The following SCOC variants were observed in gnomAD, a reference collection of about 807,000 sequenced individuals.
SCOC encodes short coiled coil protein.
In SCOC, 7 loss-of-function variants were observed where a neutral mutation model predicts 9.9. That is an observed-to-expected ratio of 0.71 (90% CI 0.40 to 1.33). SCOC has a LOEUF of 1.33. Ranked by LOEUF, SCOC falls within the 40% of genes most tolerant of loss-of-function variation. The pLI, the probability that SCOC is intolerant of heterozygous loss-of-function variation, is 0.01. For synonymous variants in SCOC, 19 were observed against 28.2 expected (o/e 0.67, Z 1.03); for missense variants, 66 against 89.7 (o/e 0.74, Z 1.07).
intron 1 of SCOC, among the ~76,000 whole-genome samples, chr4:140,271,360 T>G (rs907493568): frequency 2.6e-5 from 4 of 152,154 alleles, no homozygotes; most frequent in Non-Finnish European, 4.4e-5. Flanking sequence ...AAACACCAAG[T>G]GTTAATAGGC....
chr4:140,352,185 T>C (rs1727009353), intron 2 of SCOC, among the ~76,000 whole-genome samples: 1 of 152,184 alleles, frequency 6.6e-6, no homozygotes, highest in Non-Finnish European at 1.5e-5. Flanking sequence ...GAATACTAAT[T>C]TAAAAGATTA....
chr4:140,288,313 CAT>C (rs1389964603), intron 1 of SCOC, among the ~76,000 whole-genome samples: 1 of 152,050 alleles, frequency 6.6e-6, no homozygotes, highest in African/African-American at 2.4e-5. Flanking sequence ...ACAGATCACA[CAT>C]ATACACCTAC....
intron 1 of SCOC, chr4:140,376,345 C>T (rs543558747): frequency 8.5e-5 from 13 of 152,268 alleles, no homozygotes; most frequent in Admixed American, 8.5e-4. Flanking sequence ...TTGATCACAT[C>T]ACAATAAAAT....
intron 1 of SCOC, chr4:140,343,577 G>A: frequency 7.5e-7 from 1 of 1,327,274 alleles, no homozygotes; most frequent in Non-Finnish European, 1.1e-6. Context: ...CGGTCACATG[G>A]GACAACTGCT....
intron 2 of SCOC, among the ~76,000 whole-genome samples, chr4:140,347,989 A>G (rs2126521675): frequency 6.6e-6 from 1 of 152,148 alleles, no homozygotes; most frequent in South Asian, 2.1e-4. Flanking sequence ...TTCATTTTCT[A>G]CTTTTTTTCT....
chr4:140,306,552 T>C (rs1731993569), intron 1 of SCOC, among the ~76,000 whole-genome samples: 1 of 152,046 alleles, frequency 6.6e-6, no homozygotes, highest in African/African-American at 2.4e-5. Flanking sequence ...TGGCAAGAAC[T>C]AGAGGTATCA....
intron 1 of SCOC, among the ~76,000 whole-genome samples, chr4:140,310,153 A>T (rs1578796246): frequency 2.0e-5 from 3 of 152,314 alleles, no homozygotes; most frequent in Admixed American, 1.3e-4. Flanking sequence ...TTTATATTTT[A>T]AAAAAATCTT....
chr4:140,275,846 G>A (rs1228726899), intron 1 of SCOC, among the ~76,000 whole-genome samples: 2 of 141,316 alleles, frequency 1.4e-5, no homozygotes, highest in African/African-American at 2.6e-5. Context: ...TTTTTTGAGA[G>A]GGAGTCTTGC....
intron 1 of SCOC, among the ~76,000 whole-genome samples, chr4:140,272,084 TC>T (rs1205530303): frequency 2.1e-5 from 3 of 145,518 alleles, no homozygotes; most frequent in Non-Finnish European, 4.5e-5. Flanking sequence ...TGAGACAGGG[TC>T]TTGCTCTGTC....
intron 1 of SCOC, among the ~76,000 whole-genome samples, chr4:140,262,108 T>C (rs1335064820): frequency 6.6e-6 from 1 of 152,254 alleles, no homozygotes; most frequent in African/African-American, 2.4e-5. Flanking sequence ...ATTTTCATTG[T>C]TTCCCTGCCT....
chr4:140,270,925 C>G (rs1730830297), intron 1 of SCOC, among the ~76,000 whole-genome samples: 1 of 152,124 alleles, frequency 6.6e-6, no homozygotes. Context: ...CATATCTTCA[C>G]CAAGGGGAGG....
chr4:140,293,901 G>A (rs77730746), intron 1 of SCOC, among the ~76,000 whole-genome samples: 1 of 152,200 alleles, frequency 6.6e-6, no homozygotes, highest in East Asian at 1.9e-4. Flanking sequence ...AAAGTAAGGG[G>A]AAGTTGTCCA....
intron 1 of SCOC, among the ~76,000 whole-genome samples, chr4:140,334,815 C>G (rs1017676306): frequency 1.3e-5 from 2 of 152,072 alleles, no homozygotes; most frequent in Non-Finnish European, 2.9e-5. Flanking sequence ...TTTAGACACC[C>G]CATGGGCCAG....
In SCOC at chr4:140,382,661, G is replaced by C. The variant is rs1728610890; in HGVS notation, c.*1557G>C. 6.6e-6 allele frequency: 1 copy of C among 152,544 alleles called. No homozygotes were observed. The highest frequency in any genetic ancestry group is 1.5e-5 in the Non-Finnish European group (1 of 68,038). 9.4% of individuals were successfully genotyped at this position (152,544 alleles called of 1,614,324 possible). A position where few individuals can be genotyped will look rare whatever the true frequency, so the allele number is the denominator to read the frequency against. On this transcript the variant is annotated 3_prime_UTR_variant, in exon 4 of 4. Coordinates refer to ENST00000608372, the MANE Select transcript of SCOC (RefSeq NM_001153484.2). ...ATAGTGTATCTTATTTAAGTACCCA[G>C]TTACTGATTATTTAGGGGAATAATA...
At chr4:140,343,741 C>T (rs781277417) in intron 2 of SCOC, 3 of 1,394,180 alleles carry the variant, frequency 2.2e-6, no homozygotes, top group Admixed American at 3.4e-5. Flanking sequence ...CTCAAACATA[C>T]ATTCAACAAC....
Position 140,381,032 on chromosome 4 carries a change from A to G in SCOC, c.177A>G (p.Gly59=), listed in dbSNP as rs1422269113. 6.2e-7 allele frequency: 1 copy of G among 1,606,750 alleles called. No individual in the cohort carries two copies. The highest frequency in any genetic ancestry group is 1.1e-5 in the South Asian group (1 of 89,534). The part of the protein sequence containing the change: ...LKLKSENQVL[G]QYIENLMSAS... ...TAAAATCAGAAAACCAAGTTCTTGG[A>G]CAATATATAGAAAATCTCATGTCAG... Residue 59 remains glycine (G), a synonymous_variant, in exon 4 of 4, where the codon GGA becomes GGG. Transcript: ENST00000608372.
At chr4:140,275,959 G>A (rs1251912491) in intron 1 of SCOC, among the ~76,000 whole-genome samples, 1 of 151,830 alleles carries the variant, frequency 6.6e-6, no homozygotes, top group Non-Finnish European at 1.5e-5. Flanking sequence ...GAGTGCTTGG[G>A]ACTACAGGTG....
intron 1 of SCOC, among the ~76,000 whole-genome samples, chr4:140,261,215 A>G (rs1158979478): frequency 6.6e-6 from 1 of 152,210 alleles, no homozygotes; most frequent in Non-Finnish European, 1.5e-5. Context: ...GCAGGAGCAG[A>G]GACTTGGGGT....
chr4:140,342,035 T>G (rs1309425485), upstream of SCOC, among the ~76,000 whole-genome samples: 1 of 152,228 alleles, frequency 6.6e-6, no homozygotes, highest in Non-Finnish European at 1.5e-5. Context: ...TTATCTCATC[T>G]TTTTAATCCC....
Sources: allele counts gnomAD v4.1 joint callset (sites outside exome capture counted in the v4.1 genomes callset), GRCh38; gene constraint gnomAD v4.1.1; transcripts MANE v1.5; gene names NCBI Gene and HGNC (gene_info 2026-07-23, HGNC 2026-07-21).